The following TTC23 variants were observed in gnomAD, a reference collection of about 807,000 sequenced individuals.
The protein encoded by TTC23 is tetratricopeptide repeat protein 23.
Under a neutral mutation model 55.1 loss-of-function variants are expected in TTC23, and 58 were observed. The ratio of observed to expected loss-of-function variants is 1.05; its 90% confidence interval spans 0.85 to 1.31. TTC23 has a LOEUF of 1.31. Among genes scored for constraint, TTC23 ranks in the 50% most tolerant of loss-of-function variants. TTC23 has a pLI of 0.00. For missense variants in TTC23, 516 were observed against 534.4 expected, an observed-to-expected ratio of 0.97 and a Z score of 0.34; for synonymous variants, 203 against 199.9, an observed-to-expected ratio of 1.02 and a Z score of -0.13.
chr15:99,163,496 C>T (rs1369302543), intron 10 of TTC23, among the ~76,000 whole-genome samples: 1 of 152,192 alleles, frequency 6.6e-6, no homozygotes, highest in East Asian at 1.9e-4. Context: ...CAGAGAAGCA[C>T]GCCTTACCAC....
intron 9 of TTC23, among the ~76,000 whole-genome samples, chr15:99,197,165 C>T (rs1192011554): frequency 7.3e-5 from 11 of 151,580 alleles, no homozygotes; most frequent in South Asian, 2.1e-4. Flanking sequence ...TGCAGTGGCG[C>T]GATCTCAGCT....
intron 9 of TTC23, among the ~76,000 whole-genome samples, chr15:99,177,108 G>A (rs1037123527): frequency 2.0e-5 from 3 of 152,166 alleles, no homozygotes; most frequent in Non-Finnish European, 4.4e-5. Flanking sequence ...TAATCAGAGC[G>A]GAGATAGAAT....
intron 5 of TTC23, among the ~76,000 whole-genome samples, chr15:99,227,855 C>T (rs563173029): frequency 6.6e-5 from 10 of 152,192 alleles, no homozygotes; most frequent in South Asian, 2.1e-4. Flanking sequence ...AACTCCCATC[C>T]GAAGAAAGTG....
intron 9 of TTC23, among the ~76,000 whole-genome samples, chr15:99,195,368 C>T (rs1403976399): frequency 1.3e-5 from 2 of 152,144 alleles, no homozygotes; most frequent in South Asian, 2.1e-4. Flanking sequence ...TTTAAAAGAA[C>T]CATGAGATAC....
chr15:99,190,400 G>C (rs937761797), intron 9 of TTC23, among the ~76,000 whole-genome samples: 2 of 151,824 alleles, frequency 1.3e-5, no homozygotes, highest in African/African-American at 4.8e-5. Flanking sequence ...AGCCTCCCAA[G>C]TAGCTGGAAT....
intron 6 of TTC23, 22 bp from the exon 7 acceptor site, chr15:99,219,070 T>G (rs1236530488): frequency 6.2e-7 from 1 of 1,611,466 alleles, no homozygotes; most frequent in Non-Finnish European, 8.5e-7. Flanking sequence ...GAAAAAGAGG[T>G]CTCAGTTTCT....
At chr15:99,226,003 T>C (rs778077645) in intron 5 of TTC23, among the ~76,000 whole-genome samples, 43 of 152,266 alleles carry the variant, frequency 2.8e-4, no homozygotes, top group Middle Eastern at 3.4e-3. Flanking sequence ...AATAGAATCA[T>C]GAGGAAGCAT....
chr15:99,154,780 G>C (rs763732089), intron 12 of TTC23, among the ~76,000 whole-genome samples: 1 of 152,038 alleles, frequency 6.6e-6, no homozygotes, highest in African/African-American at 2.4e-5. Flanking sequence ...AAGCACTCAC[G>C]GTAATAGAAA....
intron 9 of TTC23, among the ~76,000 whole-genome samples, chr15:99,193,902 G>A (rs187458821): frequency 8.5e-5 from 13 of 152,110 alleles, no homozygotes; most frequent in East Asian, 5.8e-4. Context: ...CCAGCTACTC[G>A]GGAGGCTGAT....
In TTC23 at chr15:99,161,837, A is replaced by G. The variant is rs1168946232; in HGVS notation, c.896T>C (p.Met299Thr). The G allele has an allele frequency of 1.2e-6, 2 of 1,611,774 alleles. No homozygotes were observed. The highest frequency in any genetic ancestry group is 2.2e-5 in the South Asian group (2 of 90,436). Reference sequence around the variant, plus strand: ...CCCTTCAGAATCCTTAAGATGAGCCATGCTCTCTTGAAAATACTGCTCAGC... The same window carrying G: ...CCCTTCAGAATCCTTAAGATGAGCCGTGCTCTCTTGAAAATACTGCTCAGC... ...DVAEQYFQES[M>T]AHLKDSEGMG... Residue 299 changes from methionine to threonine, a missense_variant, in exon 11 of 14, where the codon ATG (methionine) becomes ACG (threonine). By Grantham distance (81) the Met-to-Thr change is moderately conservative. Coordinates refer to ENST00000394132, the MANE Select transcript of TTC23 (RefSeq NM_001288615.3).
chr15:99,237,065 T>G (rs1338534906), intron 3 of TTC23, among the ~76,000 whole-genome samples: 1 of 151,540 alleles, frequency 6.6e-6, no homozygotes, highest in East Asian at 1.9e-4. Flanking sequence ...CACTGCAACC[T>G]TCGCCTCCTG....
upstream of TTC23, among the ~76,000 whole-genome samples, chr15:99,250,278 C>T (rs533629238): frequency 2.0e-5 from 3 of 152,166 alleles, no homozygotes; most frequent in South Asian, 2.1e-4. Flanking sequence ...ACCTGAATAG[C>T]TCTTGAAGAC....
chr15:99,214,507 C>CAAAAAAA (rs532096253), intron 8 of TTC23, among the ~76,000 whole-genome samples: 1 of 99,016 alleles, frequency 1.0e-5, no homozygotes, highest in Non-Finnish European at 1.9e-5. Flanking sequence ...GACTGCATCT[C>CAAAAAAA]AAAAAAAAAA....
At chr15:99,171,425 C>T (rs904551447) in intron 10 of TTC23, among the ~76,000 whole-genome samples, 9 of 151,932 alleles carry the variant, frequency 5.9e-5, no homozygotes, top group African/African-American at 1.5e-4. Flanking sequence ...GTCCTGCCTC[C>T]GAGGGTTGTT....
chr15:99,208,875 G>A, intron 8 of TTC23, among the ~76,000 whole-genome samples: 1 of 152,114 alleles, frequency 6.6e-6, no homozygotes, highest in East Asian at 1.9e-4. Context: ...ATGTTTGAGA[G>A]CAATATTTTC....
chr15:99,232,965 A>T (rs1454069929), intron 4 of TTC23, among the ~76,000 whole-genome samples: 1 of 152,240 alleles, frequency 6.6e-6, no homozygotes, highest in Non-Finnish European at 1.5e-5. Context: ...TTAAAAAAGA[A>T]GGGCATCCTG....
chr15:99,243,386 A>T (rs952598780), intron 2 of TTC23, among the ~76,000 whole-genome samples: 2 of 152,216 alleles, frequency 1.3e-5, no homozygotes, highest in East Asian at 3.8e-4. Context: ...ACACTCATAC[A>T]CTGTTGGTGG....
chr15:99,236,635 G>A (rs548476086), intron 3 of TTC23, among the ~76,000 whole-genome samples: 2 of 152,188 alleles, frequency 1.3e-5, no homozygotes, highest in South Asian at 4.1e-4. Flanking sequence ...TGATCCTCCT[G>A]CCTTGGCTTC....
chr15:99,225,233 G>C (rs996045203), intron 5 of TTC23, among the ~76,000 whole-genome samples: 2 of 152,234 alleles, frequency 1.3e-5, no homozygotes, highest in African/African-American at 4.8e-5. Context: ...TTGTTACAAG[G>C]CATGGTCCAA....
Sources: allele counts gnomAD v4.1 joint callset (sites outside exome capture counted in the v4.1 genomes callset), GRCh38; gene constraint gnomAD v4.1.1; transcripts MANE v1.5; gene names NCBI Gene and HGNC (gene_info 2026-07-23, HGNC 2026-07-21).